LRRTM4: variants seen among roughly 807,000 people sequenced by gnomAD.
LRRTM4 encodes leucine-rich repeat transmembrane neuronal protein 4.
In LRRTM4, 25 loss-of-function variants were observed where a neutral mutation model predicts 47.6. The ratio of observed to expected loss-of-function variants is 0.53; its 90% confidence interval spans 0.38 to 0.73. LRRTM4 has a LOEUF of 0.73. Ranked by LOEUF, LRRTM4 falls within the 30% of genes least tolerant of loss-of-function variation. LRRTM4 has a pLI of 0.00. For missense variants in LRRTM4, 638 were observed against 713.4 expected, an observed-to-expected ratio of 0.89 and a Z score of 1.20; for synonymous variants, 311 against 269.5, an observed-to-expected ratio of 1.15 and a Z score of -1.51.
chr2:76,852,999 C>T (rs930608184), intron 3 of LRRTM4, among the ~76,000 whole-genome samples: 7 of 151,968 alleles, frequency 4.6e-5, no homozygotes, highest in African/African-American at 1.7e-4. Context: ...AGGAAAAGGG[C>T]CTGATTCTGT....
chr2:77,355,216 T>A (rs1457840956), intron 3 of LRRTM4, among the ~76,000 whole-genome samples: 1 of 152,204 alleles, frequency 6.6e-6, no homozygotes, highest in African/African-American at 2.4e-5. Flanking sequence ...TAGCATCTTT[T>A]GGATGTCACC....
intron 3 of LRRTM4, among the ~76,000 whole-genome samples, chr2:77,328,921 C>T (rs932801745): frequency 5.9e-5 from 9 of 152,272 alleles, no homozygotes; most frequent in Non-Finnish European, 7.4e-5. Flanking sequence ...CAGTAATAGG[C>T]TGAATGGTCT....
chr2:77,113,620 G>A (rs1671309986), intron 3 of LRRTM4, among the ~76,000 whole-genome samples: 1 of 152,040 alleles, frequency 6.6e-6, no homozygotes, highest in Admixed American at 6.6e-5. Flanking sequence ...GGTCGGACCG[G>A]TATGAGAGTG....
chr2:77,458,117 T>A (rs1397563092), intron 3 of LRRTM4, among the ~76,000 whole-genome samples: 1 of 152,136 alleles, frequency 6.6e-6, no homozygotes, highest in African/African-American at 2.4e-5. Context: ...GTCCAATATT[T>A]TTTTACCCCT....
At chr2:76,753,469 C>T (rs1467199564) in intron 3 of LRRTM4, among the ~76,000 whole-genome samples, 1 of 152,108 alleles carries the variant, frequency 6.6e-6, no homozygotes, top group Non-Finnish European at 1.5e-5. Flanking sequence ...ATTTTCTGTG[C>T]TAAGAAGCTA....
intron 3 of LRRTM4, among the ~76,000 whole-genome samples, chr2:76,885,700 C>T (rs1673054058): frequency 6.6e-6 from 1 of 151,972 alleles, no homozygotes; most frequent in Admixed American, 6.6e-5. Flanking sequence ...CTCCTGACGT[C>T]GTGATCCGCC....
intron 3 of LRRTM4, among the ~76,000 whole-genome samples, chr2:76,999,312 T>C (rs72823173): frequency 0.017 from 2,573 of 152,036 alleles, 60 homozygotes; most frequent in East Asian, 0.081. Flanking sequence ...TCAGAAAATA[T>C]CTTGATAGAA....
chr2:77,092,620 C>T (rs4350775), intron 3 of LRRTM4, among the ~76,000 whole-genome samples: 17,341 of 132,384 alleles, frequency 0.13, 1,737 homozygotes, highest in East Asian at 0.34. Context: ...CAACATGCCC[C>T]GAGTCAGAAA....
At chr2:76,855,794 C>A (rs1672131927) in intron 3 of LRRTM4, among the ~76,000 whole-genome samples, 1 of 152,016 alleles carries the variant, frequency 6.6e-6, no homozygotes, top group African/African-American at 2.4e-5. Context: ...TAACAAGACC[C>A]TCAGTTGGGT....
At chr2:77,131,059 A>C (rs6757839) in intron 3 of LRRTM4, among the ~76,000 whole-genome samples, 74,695 of 140,766 alleles carry the variant, frequency 0.53, 18,826 homozygotes, top group East Asian at 0.69. Flanking sequence ...TGGTCTCGAT[A>C]TCCTGACCTC....
intron 3 of LRRTM4, among the ~76,000 whole-genome samples, chr2:77,153,587 T>C (rs1301958738): frequency 6.6e-6 from 1 of 152,218 alleles, no homozygotes; most frequent in African/African-American, 2.4e-5. Flanking sequence ...TTTGAAAAGC[T>C]GAGTTTTTAT....
chr2:77,301,544 C>T (rs1043375232), intron 3 of LRRTM4, among the ~76,000 whole-genome samples: 12 of 152,014 alleles, frequency 7.9e-5, no homozygotes, highest in Non-Finnish European at 1.5e-4. Context: ...CCAGAGCCAT[C>T]CTTTTTATTA....
chr2:76,867,140 C>T (rs912264491), intron 3 of LRRTM4, among the ~76,000 whole-genome samples: 5 of 151,980 alleles, frequency 3.3e-5, no homozygotes, highest in East Asian at 3.9e-4. Flanking sequence ...ACCTAGATGA[C>T]GGGTTGATAG....
At chr2:77,018,691 T>TGAATTACTAATAGTTCAGAAGTACA (rs1245736096) in intron 3 of LRRTM4, among the ~76,000 whole-genome samples, 1 of 152,294 alleles carries the variant, frequency 6.6e-6, no homozygotes, top group East Asian at 1.9e-4. Context: ...GAAGTACAGC[T>TGAATTACTAATAGTTCAGAAGTACA]GAAGGTTTAC....
chr2:77,300,556 C>G (rs1677108690), intron 3 of LRRTM4, among the ~76,000 whole-genome samples: 1 of 152,026 alleles, frequency 6.6e-6, no homozygotes, highest in Non-Finnish European at 1.5e-5. Flanking sequence ...AAAGTTATAA[C>G]AAGTATACAT....
chr2:77,308,272 C>T (rs1384111519), intron 3 of LRRTM4, among the ~76,000 whole-genome samples: 1 of 148,950 alleles, frequency 6.7e-6, no homozygotes, highest in Non-Finnish European at 1.5e-5. Context: ...TTAAAATACC[C>T]AAATGGTAAA....
At chr2:77,131,548 T>A (rs1414006666) in intron 3 of LRRTM4, among the ~76,000 whole-genome samples, 2 of 152,186 alleles carry the variant, frequency 1.3e-5, no homozygotes, top group African/African-American at 4.8e-5. Context: ...GTGTGTGTTA[T>A]CAGAACACAA....
At chr2:77,209,849 A>G (rs1348918849) in intron 3 of LRRTM4, among the ~76,000 whole-genome samples, 1 of 152,216 alleles carries the variant, frequency 6.6e-6, no homozygotes, top group Non-Finnish European at 1.5e-5. Context: ...TGTATTTTGG[A>G]TAATAGTAAC....
chr2:77,000,407 G>C (rs1677376516), intron 3 of LRRTM4, among the ~76,000 whole-genome samples: 1 of 152,170 alleles, frequency 6.6e-6, no homozygotes, highest in Admixed American at 6.5e-5. Context: ...GCTTGGGAGA[G>C]TGTATGCAAA....
Sources: gnomAD v4.1 joint callset for allele counts (sites outside exome capture counted in the v4.1 genomes callset) on GRCh38, gnomAD v4.1.1 for gene constraint, MANE v1.5 for transcripts, NCBI Gene and HGNC (gene_info 2026-07-23, HGNC 2026-07-21) for gene names.